Variants in DOP1B observed in about 807,000 individuals in gnomAD.
The protein encoded by DOP1B is DOP1 leucine zipper like protein B, also known as protein DOP1B.
DOP1B carries 174 observed loss-of-function variants against 233.5 expected under a neutral mutation model. The ratio of observed to expected loss-of-function variants is 0.75; its 90% CI spans 0.66 to 0.85. DOP1B has a LOEUF of 0.85. Ranked by LOEUF, DOP1B falls within the 40% of genes least tolerant of loss-of-function variation. The pLI is 0.00. For synonymous variants in DOP1B, 1,190 were observed against 1,185.6 expected (o/e 1.00, Z -0.08); for missense variants, 2,652 against 2,846.6 (o/e 0.93, Z 1.56).
chr21:36,280,428 A>T, intron 31 of DOP1B, 82 bp downstream of exon 31: 1 of 977,706 alleles, frequency 1.0e-6, no homozygotes, highest in Non-Finnish European at 1.6e-6. Flanking sequence ...GTATTTCCGA[A>T]CCCTACTCAC....
chr21:36,230,445 TAC>T lies in DOP1B; in HGVS notation c.1666-3_1666-2del. ...GCACAATTCACATCTTTTTATTTTT[TAC>T]AGAGTCCAGTAAAAGGTGAAAACGG... is the stretch of plus-strand genomic sequence containing the variant. On this transcript the variant is annotated splice_region_variant and splice_polypyrimidine_tract_variant and intron_variant, in intron 13 of 36. Transcript: ENST00000691173. 1 of 1,595,840 alleles carries T rather than the reference TAC, an allele frequency of 6.3e-7. No homozygotes were observed. The highest frequency in any genetic ancestry group is 8.6e-7 in the Non-Finnish European group (1 of 1,167,032).
At chr21:36,244,019 CTTTTT>C (rs35020490) in intron 18 of DOP1B, among the ~76,000 whole-genome samples, 4 of 70,602 alleles carry the variant, frequency 5.7e-5, no homozygotes, top group African/African-American at 6.1e-5. Context: ...TTTTCCTTTC[CTTTTT>C]TTTTTTTTTT....
chr21:36,170,344 T>G, intron 2 of DOP1B: 2 of 261,030 alleles, frequency 7.7e-6, no homozygotes, highest in Non-Finnish European at 1.5e-5. Context: ...ATGCCTGTAA[T>G]CCCAGCACTC....
chr21:36,254,601 G>A (rs2067071288), intron 23 of DOP1B, among the ~76,000 whole-genome samples: 1 of 152,174 alleles, frequency 6.6e-6, no homozygotes, highest in African/African-American at 2.4e-5. Flanking sequence ...GTTTCAAAGG[G>A]ATGGCTCCCA....
chr21:36,275,159 A>G (rs573302011), intron 27 of DOP1B, among the ~76,000 whole-genome samples: 29 of 152,098 alleles, frequency 1.9e-4, no homozygotes, highest in African/African-American at 6.3e-4. Context: ...TTGTTTTTAA[A>G]TGGAGGATAT....
At chr21:36,238,932 A>G (rs2066858903) in intron 17 of DOP1B, among the ~76,000 whole-genome samples, 1 of 152,094 alleles carries the variant, frequency 6.6e-6, no homozygotes, top group African/African-American at 2.4e-5. Context: ...GTGAAACCCC[A>G]TCTCTACCAA....
chr21:36,227,479 T>G (rs7280549), intron 12 of DOP1B, among the ~76,000 whole-genome samples: 58,156 of 147,744 alleles, frequency 0.39, 13,196 homozygotes, highest in South Asian at 0.63. Context: ...CCCGGGAGGC[T>G]GAGCTTGCAG....
At position 36,253,368 on chromosome 21, in the gene DOP1B, T is replaced by G. The variant is rs190996634; in HGVS notation, c.5122-404T>G. 5.8e-3 allele frequency among the ~76,000 whole-genome samples: 881 copies of G among 152,370 alleles called. 4 individuals carry two copies. Among genetic ancestry groups the G allele is most frequent in the Non-Finnish European group, 8.3e-3 (564 of 68,034 alleles). On this transcript the variant is annotated intron_variant, in intron 22 of 36. Coordinates refer to ENST00000691173, the MANE Select transcript of DOP1B (RefSeq NM_001320714.2). ...TCCTAATTTGTATCAAATTATGTTG[T>G]TCCCCTGGGTGGAGCCTTTACCTAG...
intron 36 of DOP1B, among the ~76,000 whole-genome samples, chr21:36,292,777 C>T (rs2067574646): frequency 6.6e-6 from 1 of 151,950 alleles, no homozygotes; most frequent in Admixed American, 6.6e-5. Flanking sequence ...ACTCTTGGGG[C>T]TAATTTTTGT....
intron 2 of DOP1B, among the ~76,000 whole-genome samples, chr21:36,178,669 G>A (rs954061683): frequency 2.6e-5 from 4 of 152,152 alleles, no homozygotes. Flanking sequence ...AAGGAACTAA[G>A]TTAAACTTGT....
At chr21:36,288,989 T>G in intron 34 of DOP1B, 56 bp from the exon 35 acceptor site, 3 of 1,585,774 alleles carry the variant, frequency 1.9e-6, no homozygotes, top group Non-Finnish European at 2.6e-6. Flanking sequence ...CATAGGTGAA[T>G]GGACTATAAC....
chr21:36,287,579 CTT>C (rs869203517), intron 32 of DOP1B, among the ~76,000 whole-genome samples: 2,211 of 72,604 alleles, frequency 0.03, 7 homozygotes, highest in Middle Eastern at 0.047. Flanking sequence ...TCCTAACATT[CTT>C]TTTTTTTTTT....
chr21:36,204,774 C>A (rs1041556240), intron 4 of DOP1B, among the ~76,000 whole-genome samples: 2 of 151,754 alleles, frequency 1.3e-5, no homozygotes, highest in Non-Finnish European at 2.9e-5. Flanking sequence ...CCTCCCTCAG[C>A]CTCCCGAGTA....
At chr21:36,190,785 C>G (rs2066224846) in intron 2 of DOP1B, among the ~76,000 whole-genome samples, 1 of 152,168 alleles carries the variant, frequency 6.6e-6, no homozygotes, top group Non-Finnish European at 1.5e-5. Context: ...ACTGGCCAGC[C>G]AGTTTGGGTT....
At position 36,246,084 on chromosome 21, in the gene DOP1B, G is replaced by T; in HGVS notation, c.4104G>T (p.Gly1368=). ...TCTCAGTGGCCAAGTCTTCGGAAGGGAAGAACGTGGAGTTCATCCACAGCT... is the reference window on the plus strand; with the variant it reads ...TCTCAGTGGCCAAGTCTTCGGAAGGTAAGAACGTGGAGTTCATCCACAGCT... ...QLVSVAKSSE[G]KNVEFIHSLL... is the part of the protein sequence containing the mutation. Residue 1368 remains glycine, a synonymous_variant, in exon 19 of 37, where the codon GGG becomes GGT. Coordinates refer to ENST00000691173, the MANE Select transcript of DOP1B (RefSeq NM_001320714.2). This position sits in a 1 kb window ranked among gnomAD's most constrained non-coding sequence, Gnocchi z 5.1. 6.2e-7 allele frequency: 1 copy of T among 1,614,096 alleles called. No homozygotes were observed. Among genetic ancestry groups the T allele is most frequent in the Non-Finnish European group, 8.5e-7 (1 of 1,180,022 alleles).
At chr21:36,289,903 G>A (rs996904554) in intron 35 of DOP1B, among the ~76,000 whole-genome samples, 1 of 152,178 alleles carries the variant, frequency 6.6e-6, no homozygotes, top group Non-Finnish European at 1.5e-5. Context: ...GGGAGGCAGG[G>A]ATGAATGGGT....
intron 2 of DOP1B, among the ~76,000 whole-genome samples, chr21:36,176,097 C>T (rs117743700): frequency 0.015 from 2,184 of 141,826 alleles, 52 homozygotes; most frequent in African/African-American, 0.053. Flanking sequence ...GGTGTGTGTG[C>T]GTGTGTGTGT....
chr21:36,251,205 C>T lies in DOP1B; in HGVS notation c.5042C>T (p.Ala1681Val), dbSNP rs549775346. ...KILDFLNPLT[A>V]HLGVQLTAAV... ...TTAGACTTCTTAAACCCCTTGACGG[C>T]CCATCTTGGGGTTCAGTTGACAGCG... Residue 1681 changes from alanine to valine, a missense_variant, in exon 22 of 37, where the codon GCC becomes GTC. Transcript: ENST00000691173. The T allele has an allele frequency of 1.2e-6, 2 of 1,614,020 alleles. No homozygotes were observed. Among genetic ancestry groups the T allele is most frequent in the African/African-American group, 2.7e-5 (2 of 75,032 alleles).
chr21:36,157,320 C>G (rs980184535), intron 1 of DOP1B, among the ~76,000 whole-genome samples: 1 of 152,168 alleles, frequency 6.6e-6, no homozygotes, highest in Non-Finnish European at 1.5e-5. Context: ...GGCCGGCCCA[C>G]GAAGAGACGC....
Sources: gnomAD v4.1 joint callset for allele counts (sites outside exome capture counted in the v4.1 genomes callset) on GRCh38, gnomAD v4.1.1 for gene constraint, Gnocchi (gnomAD v3.1) non-coding constraint, MANE v1.5 for transcripts, NCBI Gene and HGNC (gene_info 2026-07-23, HGNC 2026-07-21) for gene names.